Variants in CEP85L observed in about 807,000 individuals in gnomAD.
CEP85L encodes the protein centrosomal protein of 85 kDa-like.
A neutral mutation model predicts 100.3 loss-of-function variants in CEP85L; 60 were observed. That is an observed-to-expected ratio of 0.60 (90% CI 0.49 to 0.74). CEP85L has a LOEUF of 0.74. CEP85L is among the 30% of genes least tolerant of loss of function. CEP85L has a pLI of 0.00. For missense variants in CEP85L, 973 were observed against 936.2 expected (o/e 1.04, Z -0.51); for synonymous variants, 319 against 322.7 (o/e 0.99, Z 0.12).
chr6:118,480,375 T>C, intron 9 of CEP85L, 21 bp downstream of exon 9: 1 of 1,331,796 alleles, frequency 7.5e-7, no homozygotes, highest in East Asian at 2.3e-5. Flanking sequence ...TTCACGTTTA[T>C]GATCTAAGGT....
intron 3 of CEP85L, among the ~76,000 whole-genome samples, chr6:118,527,432 G>A (rs1777043172): frequency 6.6e-6 from 1 of 152,054 alleles, no homozygotes; most frequent in Admixed American, 6.6e-5. Context: ...TGGCACTATG[G>A]CCTAATTAGG....
chr6:118,705,757 T>G (rs1417023424), intron 1 of CEP85L, among the ~76,000 whole-genome samples: 1 of 152,220 alleles, frequency 6.6e-6, no homozygotes, highest in Non-Finnish European at 1.5e-5. Flanking sequence ...GGATTCCAAG[T>G]CTTCTGGCAC....
At chr6:118,505,164 A>G (rs1318117233) in intron 5 of CEP85L, among the ~76,000 whole-genome samples, 1 of 152,056 alleles carries the variant, frequency 6.6e-6, no homozygotes, top group African/African-American at 2.4e-5. Flanking sequence ...AGGTGGGGCC[A>G]GGCGCGGTGG....
At chr6:118,542,989 T>C (rs907657908) in intron 3 of CEP85L, among the ~76,000 whole-genome samples, 4 of 150,892 alleles carry the variant, frequency 2.7e-5, no homozygotes, top group Non-Finnish European at 4.4e-5. Context: ...TAAAGAAGTC[T>C]GTTTTAACCT....
At position 118,488,082 on chromosome 6, in the gene CEP85L, TCTC is replaced by T. The variant is rs1774308639; in HGVS notation, c.1437+3601_1437+3603del. Among the ~76,000 whole-genome samples the T allele has an allele frequency of 2.0e-5, 3 of 152,124 alleles. No homozygotes were observed. The South Asian group carries it at 6.2e-4, about 31-fold the overall frequency. On this transcript the variant is annotated intron_variant, in intron 6 of 12. Coordinates refer to ENST00000368491, the MANE Select transcript of CEP85L (RefSeq NM_001042475.3). ...TCGCCAGACTGATTAGTGAGGGTCT[TCTC>T]CTGTATAAGGCTAGTCTCTGAGGAG...
At chr6:118,499,201 A>G (rs1775114736) in intron 5 of CEP85L, among the ~76,000 whole-genome samples, 1 of 152,210 alleles carries the variant, frequency 6.6e-6, no homozygotes. Flanking sequence ...AAATCAGAAA[A>G]AGTAGAGAAT....
At chr6:118,637,335 A>C (rs996807836) in intron 1 of CEP85L, among the ~76,000 whole-genome samples, 2 of 152,162 alleles carry the variant, frequency 1.3e-5, no homozygotes, top group African/African-American at 4.8e-5. Context: ...GTGTACTGCC[A>C]CCTTATAAAC....
chr6:118,524,269 C>T (rs945886930), intron 3 of CEP85L, among the ~76,000 whole-genome samples: 1 of 151,970 alleles, frequency 6.6e-6, no homozygotes, highest in African/African-American at 2.4e-5. Context: ...ACGGTGAAAC[C>T]CCATCTCTAC....
At chr6:118,567,229 GTGTGTGTGTGTGTGTGTGTGTA>G (rs1284654917) in intron 2 of CEP85L, among the ~76,000 whole-genome samples, 3 of 79,584 alleles carry the variant, frequency 3.8e-5, no homozygotes, top group African/African-American at 9.8e-5. Context: ...GTGTGTGTGT[GTGTGTGTGTGTGTGTGTGTGTA>G]TATATATATA....
chr6:118,542,374 C>G (rs1777943579), intron 3 of CEP85L, among the ~76,000 whole-genome samples: 1 of 151,898 alleles, frequency 6.6e-6, no homozygotes, highest in Admixed American at 6.6e-5. Flanking sequence ...TGCCTGACAA[C>G]CAGTAAACCA....
chr6:118,601,803 G>A (rs754421157), intron 2 of CEP85L, among the ~76,000 whole-genome samples: 5 of 152,118 alleles, frequency 3.3e-5, no homozygotes, highest in East Asian at 1.9e-4. Context: ...TGGGAGTGTC[G>A]CAGTGAGGAC....
intron 2 of CEP85L, among the ~76,000 whole-genome samples, chr6:118,579,898 C>T (rs1780469329): frequency 6.6e-6 from 1 of 152,204 alleles, no homozygotes; most frequent in South Asian, 2.1e-4. Context: ...CTCAATATGG[C>T]AATTCCCACC....
intron 2 of CEP85L, among the ~76,000 whole-genome samples, chr6:118,581,403 TAC>T (rs1780569953): frequency 6.6e-6 from 1 of 152,070 alleles, no homozygotes; most frequent in Non-Finnish European, 1.5e-5. Flanking sequence ...CTTCCCCAAT[TAC>T]ACAGTTTTCC....
At chr6:118,681,802 T>G (rs1465904228) in intron 1 of CEP85L, among the ~76,000 whole-genome samples, 1 of 149,838 alleles carries the variant, frequency 6.7e-6, no homozygotes, top group Admixed American at 6.7e-5. Flanking sequence ...CAGGCTGGAG[T>G]GCAGTGGCAC....
intron 6 of CEP85L, among the ~76,000 whole-genome samples, chr6:118,488,836 A>G (rs747182555): frequency 2.0e-5 from 3 of 152,188 alleles, no homozygotes; most frequent in Non-Finnish European, 4.4e-5. Flanking sequence ...ATGCAAGAGA[A>G]CTCCAATAAG....
chr6:118,669,294 G>A (rs1436749417), intron 1 of CEP85L, among the ~76,000 whole-genome samples: 1 of 152,184 alleles, frequency 6.6e-6, no homozygotes. Flanking sequence ...ATCTGCTTTT[G>A]AGGAGTAAGC....
intron 10 of CEP85L, among the ~76,000 whole-genome samples, chr6:118,472,174 A>G (rs1217661851): frequency 6.6e-6 from 1 of 152,088 alleles, no homozygotes; most frequent in Non-Finnish European, 1.5e-5. Flanking sequence ...ATTTTTACCA[A>G]TTCAGAGTCA....
chr6:118,491,487 A>G, intron 6 of CEP85L, 199 bp downstream of exon 6: 2 of 1,334,080 alleles, frequency 1.5e-6, no homozygotes, highest in East Asian at 2.9e-5. Flanking sequence ...AAGATATACA[A>G]GAGCATTTCT....
chr6:118,470,800 A>G (rs1772895369), intron 10 of CEP85L, among the ~76,000 whole-genome samples, 156 bp from the exon 11 acceptor site: 1 of 152,104 alleles, frequency 6.6e-6, no homozygotes, highest in Non-Finnish European at 1.5e-5. Context: ...ACTAATCCCT[A>G]TCAGTTAGAG....
Sources: gnomAD v4.1 joint callset for allele counts (sites outside exome capture counted in the v4.1 genomes callset) on GRCh38, gnomAD v4.1.1 for gene constraint, MANE v1.5 for transcripts, NCBI Gene and HGNC (gene_info 2026-07-23, HGNC 2026-07-21) for gene names.